The following MAN2A1 variants were observed in gnomAD, a reference collection of about 807,000 sequenced individuals.
MAN2A1 encodes mannosidase alpha class 2A member 1.
In MAN2A1, 76 loss-of-function variants were observed where a neutral mutation model predicts 142.6. That is an observed-to-expected ratio of 0.53 (90% CI 0.44 to 0.65). The LOEUF is 0.65. MAN2A1 is among the 30% of genes least tolerant of loss of function. The pLI, the probability that MAN2A1 is intolerant of heterozygous loss-of-function variation, is 0.00. For synonymous variants in MAN2A1, 559 were observed against 473.2 expected (o/e 1.18, Z -2.35); for missense variants, 1,311 against 1,365.1 (o/e 0.96, Z 0.62).
chr5:109,736,494 G>T (rs563405883), intron 4 of MAN2A1, among the ~76,000 whole-genome samples: 6 of 152,166 alleles, frequency 3.9e-5, no homozygotes, highest in Non-Finnish European at 8.8e-5. Context: ...TCCAGCCTGG[G>T]TGACTGGGCA....
At chr5:109,730,104 T>G (rs1368352591) in intron 4 of MAN2A1, among the ~76,000 whole-genome samples, 1 of 152,196 alleles carries the variant, frequency 6.6e-6, no homozygotes. Flanking sequence ...GACACCTGTA[T>G]AGTTTGTTTC....
At chr5:109,783,786 T>C (rs1245326102) in intron 9 of MAN2A1, among the ~76,000 whole-genome samples, 1 of 150,536 alleles carries the variant, frequency 6.6e-6, no homozygotes, top group African/African-American at 2.5e-5. Context: ...TATCCTCTGA[T>C]GAAAAAACAT....
intron 3 of MAN2A1, among the ~76,000 whole-genome samples, chr5:109,726,623 C>T (rs2112579715): frequency 6.6e-6 from 1 of 152,256 alleles, no homozygotes; most frequent in Middle Eastern, 3.4e-3. Context: ...TGTGATTCCT[C>T]TGTGAAAACT....
intron 16 of MAN2A1, chr5:109,840,473 A>G (rs1380783098): frequency 6.3e-6 from 3 of 479,020 alleles, no homozygotes; most frequent in Non-Finnish European, 1.2e-5. Context: ...GAAGTCATCA[A>G]ACCGAGAATC....
intron 3 of MAN2A1, among the ~76,000 whole-genome samples, chr5:109,719,001 G>A (rs1163352920): frequency 1.7e-5 from 1 of 59,764 alleles, no homozygotes; most frequent in Admixed American, 1.6e-4. Context: ...CTTATTTAAA[G>A]TACTCTTTTG....
intron 1 of MAN2A1, among the ~76,000 whole-genome samples, chr5:109,710,934 C>T (rs758624806): frequency 6.6e-6 from 1 of 152,202 alleles, no homozygotes; most frequent in Non-Finnish European, 1.5e-5. Flanking sequence ...AGGTGATCCG[C>T]CCGCTTCGGA....
Position 109,696,251 on chromosome 5 carries a change from C to A in MAN2A1, c.135+5699C>A, listed in dbSNP as rs561782398. 2.6e-5 allele frequency among the ~76,000 whole-genome samples: 4 copies of A among 152,192 alleles called. No individual in the cohort carries two copies. The East Asian group carries it at 7.8e-4, about 29-fold the overall frequency. On this transcript the variant is annotated intron_variant, in intron 1 of 21. Coordinates refer to ENST00000261483, the MANE Select transcript of MAN2A1 (RefSeq NM_002372.4). ...GAGTAGCTGGGATTACAGGCACAAG[C>A]CACCATGCCCAGCTAATTTTTGTAT...
intron 3 of MAN2A1, among the ~76,000 whole-genome samples, chr5:109,720,728 C>T (rs1052061392): frequency 1.3e-5 from 2 of 152,096 alleles, no homozygotes; most frequent in Non-Finnish European, 2.9e-5. Flanking sequence ...TTTAGAAATT[C>T]ATGTTGAGAT....
chr5:109,819,990 G>A, intron 14 of MAN2A1, 103 bp downstream of exon 14: 1 of 890,266 alleles, frequency 1.1e-6, no homozygotes, highest in Non-Finnish European at 1.7e-6. Flanking sequence ...AAGTAGAGCT[G>A]TATCAAATAC....
intron 4 of MAN2A1, among the ~76,000 whole-genome samples, chr5:109,736,890 C>A (rs1173776022): frequency 6.6e-6 from 1 of 152,076 alleles, no homozygotes; most frequent in Non-Finnish European, 1.5e-5. Context: ...TAGCAATAGT[C>A]TGACTAGCTT....
chr5:109,860,909 A>G (rs901071912), intron 20 of MAN2A1, among the ~76,000 whole-genome samples: 5 of 152,166 alleles, frequency 3.3e-5, no homozygotes, highest in Admixed American at 3.3e-4. Context: ...TTTCAGCCAT[A>G]AATTGGAGGG....
chr5:109,738,388 A>G (rs1261075093), intron 4 of MAN2A1, among the ~76,000 whole-genome samples: 1 of 151,722 alleles, frequency 6.6e-6, no homozygotes, highest in Non-Finnish European at 1.5e-5. Context: ...TTCATTGTAA[A>G]CTGTATGTAT....
intron 7 of MAN2A1, among the ~76,000 whole-genome samples, chr5:109,772,625 G>C (rs1753179906): frequency 6.6e-6 from 1 of 152,024 alleles, no homozygotes; most frequent in Non-Finnish European, 1.5e-5. Context: ...TCCCACCTCA[G>C]CCTCCTGAGT....
intron 9 of MAN2A1, among the ~76,000 whole-genome samples, chr5:109,784,210 A>G (rs74452879): frequency 0.019 from 2,851 of 152,230 alleles, 34 homozygotes; most frequent in Middle Eastern, 0.075. Flanking sequence ...ATATGTTATC[A>G]TTCAAAACTG....
chr5:109,836,679 G>C (rs1211629370), intron 16 of MAN2A1, among the ~76,000 whole-genome samples: 1 of 152,094 alleles, frequency 6.6e-6, no homozygotes. Context: ...TCTTCTTGCT[G>C]TCTCAGAAAA....
At chr5:109,802,873 A>G (rs1754937746) in intron 12 of MAN2A1, among the ~76,000 whole-genome samples, 1 of 152,002 alleles carries the variant, frequency 6.6e-6, no homozygotes, top group Non-Finnish European at 1.5e-5. Flanking sequence ...CTATTCTTGC[A>G]TCTCCTAAAA....
chr5:109,860,247 C>T (rs1755721881), intron 20 of MAN2A1, among the ~76,000 whole-genome samples: 2 of 152,148 alleles, frequency 1.3e-5, no homozygotes, highest in African/African-American at 4.8e-5. Flanking sequence ...CATTTACCTT[C>T]CCTTTCTTTC....
chr5:109,786,675 T>C (rs562278936), intron 10 of MAN2A1, among the ~76,000 whole-genome samples: 145 of 152,208 alleles, frequency 9.5e-4, no homozygotes, highest in Non-Finnish European at 1.6e-3. Context: ...GGAGGAAATT[T>C]CAAAACATAA....
At chr5:109,807,584 C>G (rs893163412) in intron 12 of MAN2A1, among the ~76,000 whole-genome samples, 1 of 152,144 alleles carries the variant, frequency 6.6e-6, no homozygotes, top group African/African-American at 2.4e-5. Flanking sequence ...ATCCCATCCA[C>G]TTGGTTCTGT....
Sources: allele counts gnomAD v4.1 joint callset (sites outside exome capture counted in the v4.1 genomes callset), GRCh38; gene constraint gnomAD v4.1.1; transcripts MANE v1.5; gene names NCBI Gene and HGNC (gene_info 2026-07-23, HGNC 2026-07-21).